BCKDHA: variants seen among roughly 807,000 people sequenced by gnomAD.
BCKDHA encodes the protein branched chain keto acid dehydrogenase E1 subunit alpha, also known as 2-oxoisovalerate dehydrogenase subunit alpha, mitochondrial.
Under a neutral mutation model 52.2 loss-of-function variants are expected in BCKDHA, and 43 were observed. The observed-to-expected ratio is 0.82, with a 90% CI of 0.64 to 1.06. BCKDHA has a LOEUF of 1.06. Ranked by LOEUF, BCKDHA falls within the 50% of genes least tolerant of loss-of-function variation. BCKDHA has a pLI of 0.00. For synonymous variants in BCKDHA, 234 were observed against 247.9 expected (o/e 0.94, Z 0.53); for missense variants, 527 against 621.3 (o/e 0.85, Z 1.61).
intron 1 of BCKDHA, among the ~76,000 whole-genome samples, chr19:41,407,673 A>G (rs2123248751): frequency 6.6e-6 from 1 of 152,206 alleles, no homozygotes; most frequent in Non-Finnish European, 1.5e-5. Context: ...TGAACATGCT[A>G]CCCCGCTAGA....
intron 8 of BCKDHA, among the ~76,000 whole-genome samples, chr19:41,423,511 A>G (rs2039393274): frequency 1.3e-5 from 2 of 152,078 alleles, no homozygotes; most frequent in South Asian, 2.1e-4. Context: ...CTGGCCAAAC[A>G]TGGTCAAGCC....
intron 1 of BCKDHA, among the ~76,000 whole-genome samples, chr19:41,406,865 C>A (rs1211924667): frequency 6.6e-6 from 1 of 152,128 alleles, no homozygotes; most frequent in Non-Finnish European, 1.5e-5. Flanking sequence ...CCACCACGCC[C>A]AGCCTTCCTG....
At chr19:41,416,215 G>T (rs2039306403) in intron 4 of BCKDHA, among the ~76,000 whole-genome samples, 1 of 152,206 alleles carries the variant, frequency 6.6e-6, no homozygotes. Context: ...AAGTGCTGGG[G>T]ATTACAGGCA....
chr19:41,414,295 C>A, intron 4 of BCKDHA, 138 bp downstream of exon 4: 1 of 910,700 alleles, frequency 1.1e-6, no homozygotes, highest in Non-Finnish European at 1.7e-6. Context: ...AAGAAAGAGA[C>A]AAGCCAGGGT....
chr19:41,412,095 A>G (rs1461643859), intron 3 of BCKDHA, among the ~76,000 whole-genome samples: 1 of 151,960 alleles, frequency 6.6e-6, no homozygotes, highest in Non-Finnish European at 1.5e-5. Flanking sequence ...GTGTGATCTC[A>G]TGTCCATCCG....
At position 41,410,682 on chromosome 19, in the gene BCKDHA, C is replaced by T; in HGVS notation, c.154C>T (p.Pro52Ser). 6.2e-7 allele frequency: 1 copy of T among 1,614,202 alleles called. No homozygotes were observed. ...QQQFSSLDDKPQFPGASAEFI... is the reference protein window; with the variant it reads ...QQQFSSLDDKSQFPGASAEFI... ...GCAGTTTTCATCTCTGGATGACAAG[C>T]CCCAGTTCCCAGGGGCCTCGGCGGA... The change falls in exon 2 of 9, where the codon CCC (proline) becomes TCC (serine). Residue 52 changes from proline (P) to serine (S), a missense_variant. Pro to Ser is a moderately conservative substitution (Grantham distance 74, BLOSUM62 -1). Transcript: ENST00000269980.
intron 1 of BCKDHA, chr19:41,399,758 C>T (rs1460374054): frequency 6.8e-6 from 1 of 146,518 alleles, no homozygotes; most frequent in Non-Finnish European, 1.5e-5. Flanking sequence ...TTCTCTCTCT[C>T]TTTCTTTCTG....
intron 4 of BCKDHA, among the ~76,000 whole-genome samples, chr19:41,417,523 G>A (rs2039318888): frequency 6.6e-6 from 1 of 152,206 alleles, no homozygotes; most frequent in Non-Finnish European, 1.5e-5. Flanking sequence ...CACATCTTGT[G>A]TGGATTTGTA....
At chr19:41,418,091 C>CAAAAAA (rs66838098) in intron 4 of BCKDHA, among the ~76,000 whole-genome samples, 1 of 72,014 alleles carries the variant, frequency 1.4e-5, no homozygotes, top group African/African-American at 5.7e-5. Context: ...GACTCTGTCT[C>CAAAAAA]AAAAAAAAAA....
At chr19:41,416,135 G>T (rs1321089823) in intron 4 of BCKDHA, among the ~76,000 whole-genome samples, 3 of 151,956 alleles carry the variant, frequency 2.0e-5, no homozygotes, top group Admixed American at 2.0e-4. Context: ...GTAGAGATGG[G>T]GTTTCACCAC....
At chr19:41,402,765 C>G (rs926241692) in intron 1 of BCKDHA, among the ~76,000 whole-genome samples, 1 of 152,170 alleles carries the variant, frequency 6.6e-6, no homozygotes, top group Non-Finnish European at 1.5e-5. Context: ...CTCCCCCTCT[C>G]GAGTAGCTGG....
intron 5 of BCKDHA, among the ~76,000 whole-genome samples, chr19:41,419,813 G>A (rs1013254027): frequency 7.0e-6 from 1 of 143,482 alleles, no homozygotes; most frequent in Non-Finnish European, 1.5e-5. Context: ...CGTCAGCCAG[G>A]TTGGAGTGCA....
intron 4 of BCKDHA, chr19:41,415,334 C>G (rs1455831957): frequency 6.6e-6 from 1 of 152,318 alleles, no homozygotes; most frequent in Non-Finnish European, 1.5e-5. Flanking sequence ...GTGAGGGCAC[C>G]AGGCAGGACC....
rs190202447 is a variant in BCKDHA at position 41,423,151 on chromosome 19, G to A, written c.1149G>A (p.Arg383=). Residue 383 remains arginine, a synonymous_variant, in exon 8 of 9, where the codon AGG becomes AGA. Transcript: ENST00000269980. ...WWDEEQEKAW[R]KQSRRKVMEA... ...ATGAGGAGCAGGAGAAGGCCTGGAGGAAGCAGTCCCGCAGGAAGGTGAGGG... is the reference window on the plus strand; with the variant it reads ...ATGAGGAGCAGGAGAAGGCCTGGAGAAAGCAGTCCCGCAGGAAGGTGAGGG... 1.3e-6 allele frequency: 2 copies of A among 1,556,402 alleles called. No individual in the cohort carries two copies. Among genetic ancestry groups the A allele is most frequent in the Admixed American group, 1.9e-5 (1 of 51,422 alleles).
At chr19:41,418,874 G>T in intron 4 of BCKDHA, 1 of 485,368 alleles carries the variant, frequency 2.1e-6, no homozygotes, top group Non-Finnish European at 3.8e-6. Flanking sequence ...ATTTCTTAAA[G>T]GTAATTGAAT....
At chr19:41,422,118 G>T in intron 5 of BCKDHA, 46 bp from the exon 6 acceptor site, 2 of 1,559,954 alleles carry the variant, frequency 1.3e-6, no homozygotes, top group Admixed American at 1.8e-5. Flanking sequence ...GAGTGTGAGT[G>T]CATGTGAGTC....
rs779279955 is a variant in BCKDHA at position 41,424,594 on chromosome 19, C to T, written c.1324C>T (p.His442Tyr). Residue 442 changes from histidine to tyrosine, a missense_variant, in exon 9 of 9, where the codon CAC (histidine) becomes TAC (tyrosine). Transcript: ENST00000269980. ...CTACGGGGAGCACTACCCACTGGATCACTTCGATAAGTGAGACCTGCTCAG... is the reference window on the plus strand; with the variant it reads ...CTACGGGGAGCACTACCCACTGGATTACTTCGATAAGTGAGACCTGCTCAG... Reference protein sequence around the residue: ...QTYGEHYPLDHFDK With the variant: ...QTYGEHYPLDYFDK 6.2e-7 allele frequency: 1 copy of T among 1,607,094 alleles called. No homozygotes were observed. The highest frequency in any genetic ancestry group is 2.2e-5 in the East Asian group (1 of 44,778).
chr19:41,414,094 C>A lies in BCKDHA; in HGVS notation c.421C>A (p.His141Asn), dbSNP rs2039283788. ...YMTNYGEEGTHVGSAAALDNT... is the reference protein window; with the variant it reads ...YMTNYGEEGTNVGSAAALDNT... ...GACCAACTATGGTGAGGAGGGCACG[C>A]ACGTGGGGAGTGCCGCCGCCCTGGA... The change falls in exon 4 of 9, where the codon CAC becomes AAC. Residue 141 changes from histidine to asparagine, a missense_variant. His to Asn is a moderately conservative substitution (Grantham distance 68). Transcript: ENST00000269980. 1 of 1,613,758 alleles carries A rather than the reference C, an allele frequency of 6.2e-7. No individual in the cohort carries two copies. The highest frequency in any genetic ancestry group is 8.5e-7 in the Non-Finnish European group (1 of 1,180,028).
chr19:41,421,637 A>AG (rs11437195), intron 5 of BCKDHA, among the ~76,000 whole-genome samples: 97,416 of 148,970 alleles, frequency 0.65, 32,890 homozygotes, highest in African/African-American at 0.82. Context: ...CAGATGGTGC[A>AG]GGTTGGGTGG....
Sources: gnomAD v4.1 joint callset for allele counts (sites outside exome capture counted in the v4.1 genomes callset) on GRCh38, gnomAD v4.1.1 for gene constraint, MANE v1.5 for transcripts, NCBI Gene and HGNC (gene_info 2026-07-23, HGNC 2026-07-21) for gene names.